Variants in SH3PXD2A observed in about 807,000 individuals in gnomAD.
SH3PXD2A encodes SH3 and PX domain-containing protein 2A.
A neutral mutation model predicts 115.2 loss-of-function variants in SH3PXD2A; 32 were observed. That is an observed-to-expected ratio of 0.28 (90% CI 0.21 to 0.37). SH3PXD2A has a LOEUF of 0.37. Ranked by LOEUF, SH3PXD2A falls within the 10% of genes least tolerant of loss-of-function variation. The pLI is 1.00. For synonymous variants in SH3PXD2A, 610 were observed against 629.1 expected, an observed-to-expected ratio of 0.97 and a Z score of 0.45; for missense variants, 1,328 against 1,498.7, an observed-to-expected ratio of 0.89 and a Z score of 1.88.
At chr10:103,818,484 G>C (rs1248773833) in intron 1 of SH3PXD2A, among the ~76,000 whole-genome samples, 1 of 152,100 alleles carries the variant, frequency 6.6e-6, no homozygotes, top group African/African-American at 2.4e-5. Flanking sequence ...CAAAGAAACC[G>C]GCTCTTTAAC....
chr10:103,816,355 T>C (rs911030593), intron 1 of SH3PXD2A, among the ~76,000 whole-genome samples: 1 of 152,220 alleles, frequency 6.6e-6, no homozygotes, highest in African/African-American at 2.4e-5. Flanking sequence ...AGGATCTGAA[T>C]AGATTTTTCT....
At chr10:103,634,663 T>C (rs1178185184) in intron 8 of SH3PXD2A, among the ~76,000 whole-genome samples, 4 of 152,140 alleles carry the variant, frequency 2.6e-5, no homozygotes, top group Admixed American at 6.5e-5. Context: ...TGAGCAGGTG[T>C]CTTGTATGTG....
intron 6 of SH3PXD2A, chr10:103,673,636 GTAAC>G (rs1293202455): frequency 6.6e-6 from 1 of 152,204 alleles, no homozygotes; most frequent in African/African-American, 2.4e-5. Context: ...TTAACCTTGA[GTAAC>G]TCCAGAGCAG....
intron 2 of SH3PXD2A, among the ~76,000 whole-genome samples, chr10:103,800,345 G>T (rs1004707561): frequency 6.6e-6 from 1 of 152,128 alleles, no homozygotes; most frequent in Non-Finnish European, 1.5e-5. Flanking sequence ...AATCAAAATC[G>T]TCCCTGGGAT....
chr10:103,845,231 C>T (rs10883923), intron 1 of SH3PXD2A, among the ~76,000 whole-genome samples: 131,088 of 150,582 alleles, frequency 0.87, 58,215 homozygotes, highest in East Asian at 0.99. Context: ...CTCGGGAAGC[C>T]GAGGCACGAG....
intron 14 of SH3PXD2A, 84 bp from the exon 15 acceptor site, chr10:103,603,873 C>A (rs1303404109): frequency 5.7e-6 from 8 of 1,395,684 alleles, no homozygotes; most frequent in Non-Finnish European, 5.6e-6. Flanking sequence ...CATACTTTGG[C>A]TCTGGGATAA....
intron 1 of SH3PXD2A, among the ~76,000 whole-genome samples, chr10:103,835,330 CA>C (rs2039526559): frequency 6.6e-6 from 1 of 152,248 alleles, no homozygotes; most frequent in Non-Finnish European, 1.5e-5. Context: ...CGGGTGGCCC[CA>C]TTGCCTCTGT....
intron 4 of SH3PXD2A, 31 bp from the exon 5 acceptor site, chr10:103,724,392 G>A: frequency 7.3e-7 from 1 of 1,374,482 alleles, no homozygotes; most frequent in Non-Finnish European, 1.0e-6. Context: ...AGGGCATTAG[G>A]TGTGATGAAC....
intron 1 of SH3PXD2A, among the ~76,000 whole-genome samples, chr10:103,846,364 G>A (rs868384673): frequency 2.0e-4 from 30 of 152,226 alleles, no homozygotes; most frequent in African/African-American, 6.3e-4. Context: ...TGATTGGTTT[G>A]GAAAGAAGGA....
At chr10:103,742,478 C>T (rs2038454889) in intron 3 of SH3PXD2A, among the ~76,000 whole-genome samples, 1 of 152,160 alleles carries the variant, frequency 6.6e-6, no homozygotes, top group Non-Finnish European at 1.5e-5. Context: ...CTGCAAAGAC[C>T]CTTTCTCCAA....
chr10:103,681,225 G>T (rs1350824687), intron 6 of SH3PXD2A, among the ~76,000 whole-genome samples: 1 of 34,880 alleles, frequency 2.9e-5, no homozygotes, highest in Non-Finnish European at 4.6e-5. Flanking sequence ...GTGTTTCAGG[G>T]GTAAGAGACT....
intron 2 of SH3PXD2A, among the ~76,000 whole-genome samples, chr10:103,769,181 T>TGTGTGTGTGTGCGC (rs1554921417): frequency 8.9e-6 from 1 of 112,948 alleles, no homozygotes; most frequent in Non-Finnish European, 2.0e-5. Flanking sequence ...TGTGTGTGTG[T>TGTGTGTGTGTGCGC]GCGCGCGCGC....
At chr10:103,682,106 G>A (rs1247127970) in intron 6 of SH3PXD2A, among the ~76,000 whole-genome samples, 2 of 152,212 alleles carry the variant, frequency 1.3e-5, no homozygotes, top group Non-Finnish European at 2.9e-5. Context: ...GGAGTGAGGG[G>A]GCAGAGGCAG....
At chr10:103,705,323 G>A (rs938860954) in intron 5 of SH3PXD2A, among the ~76,000 whole-genome samples, 1 of 152,230 alleles carries the variant, frequency 6.6e-6, no homozygotes, top group African/African-American at 2.4e-5. Context: ...GGCCTTGGTG[G>A]GAGTCACCAC....
At chr10:103,794,138 G>A (rs1564890476) in intron 2 of SH3PXD2A, among the ~76,000 whole-genome samples, 1 of 152,202 alleles carries the variant, frequency 6.6e-6, no homozygotes, top group Non-Finnish European at 1.5e-5. Context: ...CCCATCATGA[G>A]GTGGGCTGTT....
At chr10:103,814,670 T>C (rs1225407531) in intron 1 of SH3PXD2A, among the ~76,000 whole-genome samples, 1 of 152,200 alleles carries the variant, frequency 6.6e-6, no homozygotes, top group Non-Finnish European at 1.5e-5. Context: ...TTACAAAGTC[T>C]TAAGCAAAAT....
At chr10:103,798,330 G>A (rs1271378913) in intron 2 of SH3PXD2A, among the ~76,000 whole-genome samples, 3 of 152,044 alleles carry the variant, frequency 2.0e-5, no homozygotes, top group Admixed American at 6.5e-5. Context: ...GTTTTTTTGA[G>A]ACAGGGTCTC....
chr10:103,660,729 C>A (rs190107080), intron 8 of SH3PXD2A, among the ~76,000 whole-genome samples: 25 of 152,232 alleles, frequency 1.6e-4, no homozygotes, highest in Non-Finnish European at 3.2e-4. Context: ...TTTATTCCCG[C>A]GCTGTGCCTG....
chr10:103,615,616 G>T (rs2036507228), intron 11 of SH3PXD2A, among the ~76,000 whole-genome samples: 1 of 151,580 alleles, frequency 6.6e-6, no homozygotes, highest in Admixed American at 6.6e-5. Context: ...TTAAGGGGGT[G>T]TCTGGCAGCC....
Sources: gnomAD v4.1 joint callset for allele counts (sites outside exome capture counted in the v4.1 genomes callset) on GRCh38, gnomAD v4.1.1 for gene constraint, MANE v1.5 for transcripts, NCBI Gene and HGNC (gene_info 2026-07-23, HGNC 2026-07-21) for gene names.